Variants in FAM13C observed in about 807,000 individuals in gnomAD.
FAM13C encodes protein FAM13C.
FAM13C carries 37 observed loss-of-function variants against 73.2 expected under a neutral mutation model. The observed-to-expected ratio is 0.51, with a 90% confidence interval of 0.39 to 0.67. FAM13C has a LOEUF of 0.67. Ranked by LOEUF, FAM13C falls within the 30% of genes least tolerant of loss-of-function variation. The probability of loss-of-function intolerance (pLI) is 0.00; values close to 1 mark genes in which losing one functional copy is unlikely to be tolerated. For missense variants in FAM13C, 589 were observed against 715.6 expected, an observed-to-expected ratio of 0.82 and a Z score of 2.02; for synonymous variants, 246 against 260.9, an observed-to-expected ratio of 0.94 and a Z score of 0.55.
chr10:59,267,536 TGAAA>T (rs1654112960), intron 8 of FAM13C, among the ~76,000 whole-genome samples: 1 of 152,192 alleles, frequency 6.6e-6, no homozygotes, highest in South Asian at 2.1e-4. Context: ...AAAGTTGCCT[TGAAA>T]GCCAAACTGA....
Position 59,268,598 on chromosome 10 carries a change from T to C in FAM13C, c.897A>G (p.Lys299=), listed in dbSNP as rs1589398343. ...LTKHIQSLKR[K]IRKFEEKFEQ... is the part of the protein sequence containing the mutation. Reference sequence around the variant, plus strand: ...CAAATTTTTCTTCAAATTTCCGAATTTTCCGCTTGAGGCTCTGGATGTGCT... The same window carrying C: ...CAAATTTTTCTTCAAATTTCCGAATCTTCCGCTTGAGGCTCTGGATGTGCT... Residue 299 remains lysine (K), a synonymous_variant, in exon 8 of 14, where the codon AAA becomes AAG. Coordinates refer to ENST00000618804, the MANE Select transcript of FAM13C (RefSeq NM_198215.4). 4 of 1,613,822 alleles carry C rather than the reference T, an allele frequency of 2.5e-6. No individual in the cohort carries two copies. Among genetic ancestry groups the C allele is most frequent in the Non-Finnish European group, 8.5e-7 (1 of 1,179,824 alleles).
intron 4 of FAM13C, among the ~76,000 whole-genome samples, chr10:59,312,507 C>T (rs1349371348): frequency 1.3e-5 from 2 of 152,138 alleles, no homozygotes; most frequent in Non-Finnish European, 2.9e-5. Flanking sequence ...GTACAACACA[C>T]AGTACCCAGA....
At chr10:59,310,137 G>A (rs1222899526) in intron 4 of FAM13C, among the ~76,000 whole-genome samples, 1 of 152,152 alleles carries the variant, frequency 6.6e-6, no homozygotes, top group Non-Finnish European at 1.5e-5. Flanking sequence ...TAGAATCAGA[G>A]CCTTAGAACT....
In FAM13C at chr10:59,302,884, A is replaced by G; in HGVS notation, c.444-20T>C. The G allele has an allele frequency of 6.2e-7, 1 of 1,607,890 alleles. No homozygotes were observed. The highest frequency in any genetic ancestry group is 1.7e-5 in the Admixed American group (1 of 59,330). On this transcript the variant is annotated intron_variant, in intron 4 of 13. Transcript: ENST00000618804. ...TCTATTCTATAAAATACAAAGAAAA[A>G]TTATTTCCATTTAAAAGAAACGTTT...
chr10:59,333,424 T>C (rs1309826159), intron 3 of FAM13C, among the ~76,000 whole-genome samples: 1 of 151,792 alleles, frequency 6.6e-6, no homozygotes, highest in Non-Finnish European at 1.5e-5. Context: ...TGAGAGGGAG[T>C]TTGCAGTGAG....
chr10:59,345,960 A>G (rs1854238350), intron 3 of FAM13C, among the ~76,000 whole-genome samples: 1 of 152,214 alleles, frequency 6.6e-6, no homozygotes, highest in Non-Finnish European at 1.5e-5. Flanking sequence ...TGCTTTAGAC[A>G]CACTGCAAGA....
In FAM13C at chr10:59,283,463, T is replaced by C. The variant is rs1845174750; in HGVS notation, c.508-16A>G. 5 of 1,613,916 alleles carry C rather than the reference T, an allele frequency of 3.1e-6. No individual in the cohort carries two copies. The highest frequency in any genetic ancestry group is 4.2e-6 in the Non-Finnish European group (5 of 1,179,784). On this transcript the variant is annotated splice_polypyrimidine_tract_variant and intron_variant, in intron 5 of 13. Transcript: ENST00000618804. ...CAGCTTCTTCCTGGTTTGTTAAAAA[T>C]GCAGAGCACAGATCAGATTCGAGGG... is the stretch of plus-strand genomic sequence containing the variant.
intron 2 of FAM13C, among the ~76,000 whole-genome samples, chr10:59,352,719 C>T (rs1855227690): frequency 6.6e-6 from 1 of 152,154 alleles, no homozygotes; most frequent in African/African-American, 2.4e-5. Context: ...TGTAACTATA[C>T]ACATATCATT....
At chr10:59,274,400 G>A (rs1047917218) in intron 6 of FAM13C, among the ~76,000 whole-genome samples, 3 of 152,126 alleles carry the variant, frequency 2.0e-5, no homozygotes, top group Admixed American at 6.6e-5. Context: ...ATGCAGTATC[G>A]TCATGTCAGG....
At chr10:59,268,016 T>C (rs1170732252) in intron 8 of FAM13C, among the ~76,000 whole-genome samples, 1 of 152,262 alleles carries the variant, frequency 6.6e-6, no homozygotes, top group South Asian at 2.1e-4. Context: ...GTCTCTCTGA[T>C]GGGGAAAGGA....
At chr10:59,318,807 T>C (rs763694158) in intron 4 of FAM13C, among the ~76,000 whole-genome samples, 1 of 151,988 alleles carries the variant, frequency 6.6e-6, no homozygotes, top group Non-Finnish European at 1.5e-5. Context: ...AGGCAAGCTG[T>C]TTTTTATCTC....
At chr10:59,337,437 C>T (rs1314075672) in intron 3 of FAM13C, among the ~76,000 whole-genome samples, 1 of 152,182 alleles carries the variant, frequency 6.6e-6, no homozygotes, top group Non-Finnish European at 1.5e-5. Flanking sequence ...TTAGCTGTTG[C>T]CAATTGTCTG....
chr10:59,248,614 G>GTC (rs1432016518), intron 13 of FAM13C, among the ~76,000 whole-genome samples: 1 of 150,828 alleles, frequency 6.6e-6, no homozygotes, highest in Admixed American at 6.6e-5. Context: ...AATTCAAGGG[G>GTC]TAGAGGACAC....
chr10:59,307,375 TGAGA>T (rs1420129141), intron 4 of FAM13C, among the ~76,000 whole-genome samples: 1 of 152,152 alleles, frequency 6.6e-6, no homozygotes, highest in Non-Finnish European at 1.5e-5. Flanking sequence ...GATGGATAAA[TGAGA>T]GAAAGCACTA....
At chr10:59,342,423 G>A (rs1253008915) in intron 3 of FAM13C, among the ~76,000 whole-genome samples, 1 of 151,934 alleles carries the variant, frequency 6.6e-6, no homozygotes, top group Non-Finnish European at 1.5e-5. Flanking sequence ...TTCTACCTTG[G>A]GAGGAGAAGG....
At chr10:59,313,745 TGGAAGCACAA>T (rs1291469268) in intron 4 of FAM13C, among the ~76,000 whole-genome samples, 1 of 152,004 alleles carries the variant, frequency 6.6e-6, no homozygotes, top group Admixed American at 6.6e-5. Context: ...AGGATGGATA[TGGAAGCACAA>T]GAATTTAGCC....
Position 59,283,365 on chromosome 10 carries a change from G to A in FAM13C, c.590C>T (p.Ala197Val). ...CAACCCCCAGCCCTGTATCTTACCTGCAGAATCTGTCCCATCGGCAAGCAC... is the reference window on the plus strand; with the variant it reads ...CAACCCCCAGCCCTGTATCTTACCTACAGAATCTGTCCCATCGGCAAGCAC... ...QSVLADGTDS[A>V]DPSPVHKDGQ... is the part of the protein sequence containing the mutation. The change falls in exon 6 of 14, where the codon GCA (alanine) becomes GTA (valine). Residue 197 changes from alanine (A) to valine (V), a missense_variant and splice_region_variant. Physicochemically the swap from Ala to Val is moderately conservative, Grantham distance 64 (BLOSUM62 0). Transcript: ENST00000618804. 6.2e-7 allele frequency: 1 copy of A among 1,614,072 alleles called. No homozygotes were observed. Among genetic ancestry groups the A allele is most frequent in the Non-Finnish European group, 8.5e-7 (1 of 1,179,980 alleles).
intron 12 of FAM13C, among the ~76,000 whole-genome samples, chr10:59,252,158 T>C (rs528738680): frequency 6.6e-6 from 1 of 152,280 alleles, no homozygotes; most frequent in South Asian, 2.1e-4. Flanking sequence ...ATAGTTACAT[T>C]GCAAATTCTA....
rs565953064 is a variant in FAM13C, at chr10:59,349,871, T to C, written c.324+2399A>G. ...GTTCTATTTTTGAATATATAAGAAG[T>C]CCTCTCTATACTTCAACTATCTGTA... is the stretch of plus-strand genomic sequence containing the variant. On this transcript the variant is annotated intron_variant, in intron 3 of 13. Coordinates refer to ENST00000618804, the MANE Select transcript of FAM13C (RefSeq NM_198215.4). Among the ~76,000 whole-genome samples, 9 of 152,186 alleles carry C rather than the reference T, an allele frequency of 5.9e-5. 1 individual carries two copies. Among genetic ancestry groups the C allele is most frequent in the Admixed American group, 3.9e-4 (6 of 15,276 alleles).
Sources: allele counts gnomAD v4.1 joint callset (sites outside exome capture counted in the v4.1 genomes callset), GRCh38; gene constraint gnomAD v4.1.1; transcripts MANE v1.5; gene names NCBI Gene and HGNC (gene_info 2026-07-23, HGNC 2026-07-21).